Variants in PTPRG observed in about 807,000 individuals in gnomAD.
PTPRG encodes the protein protein tyrosine phosphatase receptor type G.
A neutral mutation model predicts 165.3 loss-of-function variants in PTPRG; 102 were observed. The observed-to-expected ratio is 0.62, with a 90% confidence interval of 0.53 to 0.73. The LOEUF (loss-of-function observed/expected upper bound fraction) is 0.73. Ranked by LOEUF, PTPRG falls within the 30% of genes least tolerant of loss-of-function variation. The pLI, the probability that PTPRG is intolerant of heterozygous loss-of-function variation, is 0.00. For synonymous variants in PTPRG, 675 were observed against 669.5 expected, an observed-to-expected ratio of 1.01 and a Z score of -0.13; for missense variants, 1,866 against 1,861.4, an observed-to-expected ratio of 1.00 and a Z score of -0.05.
At chr3:61,673,866 C>T (rs1192670546) in intron 1 of PTPRG, among the ~76,000 whole-genome samples, 1 of 152,102 alleles carries the variant, frequency 6.6e-6, no homozygotes, top group Admixed American at 6.5e-5. Context: ...TCCATAAAAA[C>T]GTGTGAGTTC....
At chr3:61,840,070 G>A (rs6790015) in intron 2 of PTPRG, among the ~76,000 whole-genome samples, 31,088 of 152,026 alleles carry the variant, frequency 0.2, 3,224 homozygotes, top group East Asian at 0.33. Flanking sequence ...TAGTTTATAT[G>A]CACATATATA....
In PTPRG at chr3:62,254,375, A is replaced by AGG. The variant is rs1701487857; in HGVS notation, c.2468-749_2468-748insGG. On this transcript the variant is annotated intron_variant, in intron 15 of 29. Transcript: ENST00000474889. This position sits in a 1 kb window ranked among gnomAD's most constrained non-coding sequence, Gnocchi z 4.6. The stretch of plus-strand genomic sequence containing the variant: ...GTGTGGCTATTTTATAGCAGTACTC[A>AGG]AGTATCATGATAAATAAGCTTAAAA... Among the ~76,000 whole-genome samples the AGG allele has an allele frequency of 6.6e-6, 1 of 152,158 alleles. No individual in the cohort carries two copies. The highest frequency in any genetic ancestry group is 1.5e-5 in the Non-Finnish European group (1 of 68,026).
chr3:62,074,141 C>T (rs1701296779), intron 4 of PTPRG, among the ~76,000 whole-genome samples: 1 of 151,332 alleles, frequency 6.6e-6, no homozygotes, highest in African/African-American at 2.4e-5. Flanking sequence ...GGCCTATTAT[C>T]TCCCATTTGC....
rs148626665 is a variant in PTPRG, at chr3:62,274,617, T to G, written c.3465+773T>G. On this transcript the variant is annotated intron_variant, in intron 23 of 29. Transcript: ENST00000474889. Reference sequence around the variant, plus strand: ...CAAAGAATGAGATGAATCTACAGTTTTAGTTTTCATGGTAAAACTTTCCAT... The same window carrying G: ...CAAAGAATGAGATGAATCTACAGTTGTAGTTTTCATGGTAAAACTTTCCAT... Among the ~76,000 whole-genome samples, 842 of 152,290 alleles carry G rather than the reference T, an allele frequency of 5.5e-3. 7 individuals are homozygous for G. Among genetic ancestry groups the G allele is most frequent in the African/African-American group, 0.02 (812 of 41,564 alleles).
At chr3:62,042,409 A>G (rs1030564573) in intron 4 of PTPRG, among the ~76,000 whole-genome samples, 2 of 152,178 alleles carry the variant, frequency 1.3e-5, no homozygotes, top group Admixed American at 6.5e-5. Context: ...TTGTTATGCC[A>G]AAACCCCTTC....
intron 1 of PTPRG, among the ~76,000 whole-genome samples, chr3:61,682,913 G>A (rs1447985564): frequency 6.6e-6 from 1 of 152,234 alleles, no homozygotes; most frequent in South Asian, 2.1e-4. Flanking sequence ...AAAAAGGCAA[G>A]GGGAAGACAA....
At chr3:62,281,279 T>G (rs9844257) in intron 26 of PTPRG, among the ~76,000 whole-genome samples, 40,697 of 151,842 alleles carry the variant, frequency 0.27, 5,643 homozygotes, top group African/African-American at 0.31. Flanking sequence ...TATGTCAATA[T>G]TACAGAATAC....
chr3:61,618,495 C>T (rs112570718), intron 1 of PTPRG, among the ~76,000 whole-genome samples: 4,260 of 152,180 alleles, frequency 0.028, 190 homozygotes, highest in African/African-American at 0.095. Flanking sequence ...ATTATAATTG[C>T]AGATGGCAAT....
intron 2 of PTPRG, among the ~76,000 whole-genome samples, chr3:61,956,676 T>C (rs913630291): frequency 2.0e-5 from 3 of 152,188 alleles, no homozygotes; most frequent in Admixed American, 6.5e-5. Flanking sequence ...ATTACTGATA[T>C]ATTAAAATGA....
chr3:61,644,438 C>G (rs978086080), intron 1 of PTPRG, among the ~76,000 whole-genome samples: 1 of 152,090 alleles, frequency 6.6e-6, no homozygotes, highest in African/African-American at 2.4e-5. Context: ...TTTAAAGCTG[C>G]TCAAGGGAAT....
Position 62,195,767 on chromosome 3 carries a change from GACATA to G in PTPRG, c.1327+602_1327+606del, listed in dbSNP as rs920396612. Among the ~76,000 whole-genome samples the G allele has an allele frequency of 6.6e-6, 1 of 152,082 alleles. No individual in the cohort carries two copies. The highest frequency in any genetic ancestry group is 2.4e-5 in the African/African-American group (1 of 41,422). On this transcript the variant is annotated intron_variant, in intron 10 of 29. Transcript: ENST00000474889. The surrounding 1 kb of genome is among the most constrained non-coding windows in gnomAD (Gnocchi z 4.4). Reference sequence around the variant, plus strand: ...GCACCAAAAAATTGAGTGACCAAGAGACATAACATTTTAGTGGGATTTTTTTTGTT... The same window carrying G: ...GCACCAAAAAATTGAGTGACCAAGAGACATTTTAGTGGGATTTTTTTTGTT...
At chr3:61,708,554 A>C (rs984574508) in intron 1 of PTPRG, among the ~76,000 whole-genome samples, 8 of 137,988 alleles carry the variant, frequency 5.8e-5, no homozygotes, top group African/African-American at 2.2e-4. Flanking sequence ...CCCTGGGTTC[A>C]TGCCATTCTT....
intron 1 of PTPRG, among the ~76,000 whole-genome samples, chr3:61,726,363 A>ACT (rs1306029433): frequency 1.2e-4 from 18 of 152,292 alleles, no homozygotes; most frequent in East Asian, 9.6e-4. Context: ...AATGGTTGAA[A>ACT]ATACATAGGA....
At chr3:62,114,849 A>T (rs1702803066) in intron 5 of PTPRG, among the ~76,000 whole-genome samples, 1 of 152,136 alleles carries the variant, frequency 6.6e-6, no homozygotes, top group Non-Finnish European at 1.5e-5. Context: ...TATGTTGTCC[A>T]GGTTGGTCTT....
At position 61,563,823 on chromosome 3, in the gene PTPRG, G is replaced by A. The variant is rs570451850; in HGVS notation, c.85+1451G>A. On this transcript the variant is annotated intron_variant, in intron 1 of 29. Coordinates refer to ENST00000474889, the MANE Select transcript of PTPRG (RefSeq NM_002841.4). ...CGTCGCCCTTGGGGATCCCCTCGGGGGACTGGCAGCGAATGCCCCCTTTGC... is the reference window on the plus strand; with the variant it reads ...CGTCGCCCTTGGGGATCCCCTCGGGAGACTGGCAGCGAATGCCCCCTTTGC... Among the ~76,000 whole-genome samples the A allele has an allele frequency of 4.6e-5, 7 of 152,328 alleles. No homozygotes were observed. In the South Asian group the frequency reaches 1.4e-3, roughly 32 times the overall value.
intron 2 of PTPRG, among the ~76,000 whole-genome samples, chr3:61,775,481 C>T (rs550912945): frequency 9.2e-5 from 14 of 152,144 alleles, no homozygotes; most frequent in African/African-American, 2.9e-4. Flanking sequence ...TGTTTTTAAT[C>T]GTATTAAAAT....
At chr3:62,274,749 T>C (rs1702179419) in intron 23 of PTPRG, among the ~76,000 whole-genome samples, 1 of 152,148 alleles carries the variant, frequency 6.6e-6, no homozygotes, top group Non-Finnish European at 1.5e-5. Flanking sequence ...AGTTCAGTCA[T>C]AAAATTAAAA....
intron 2 of PTPRG, among the ~76,000 whole-genome samples, chr3:61,904,790 G>A (rs2038598928): frequency 1.3e-5 from 2 of 152,052 alleles, no homozygotes; most frequent in Non-Finnish European, 2.9e-5. Context: ...TTTCACATAT[G>A]TATTTTTTTC....
chr3:61,735,939 G>A (rs1328223105), intron 1 of PTPRG, among the ~76,000 whole-genome samples: 10 of 145,976 alleles, frequency 6.9e-5, no homozygotes, highest in Non-Finnish European at 1.2e-4. Flanking sequence ...ACAGCATCTC[G>A]CTCTGTTGCC....
Sources: allele counts gnomAD v4.1 joint callset (sites outside exome capture counted in the v4.1 genomes callset), GRCh38; gene constraint gnomAD v4.1.1; non-coding constraint Gnocchi (gnomAD v3.1); transcripts MANE v1.5; gene names NCBI Gene and HGNC (gene_info 2026-07-23, HGNC 2026-07-21).